The following NRP1 variants were observed in gnomAD, a reference collection of about 807,000 sequenced individuals.
NRP1 encodes neuropilin-1.
Under a neutral mutation model 106.7 loss-of-function variants are expected in NRP1, and 35 were observed. That is an observed-to-expected ratio of 0.33 (90% CI 0.25 to 0.43). NRP1 has a LOEUF of 0.43. Among genes scored for constraint, NRP1 ranks in the 20% least tolerant of loss-of-function variants. The probability of loss-of-function intolerance (pLI) is 1.00; values close to 1 mark genes in which losing one functional copy is unlikely to be tolerated. For synonymous variants in NRP1, 437 were observed against 417.9 expected, an observed-to-expected ratio of 1.05 and a Z score of -0.56; for missense variants, 1,024 against 1,170.4, an observed-to-expected ratio of 0.87 and a Z score of 1.83.
At chr10:33,286,060 C>G (rs1248620912) in intron 2 of NRP1, among the ~76,000 whole-genome samples, 1 of 152,198 alleles carries the variant, frequency 6.6e-6, no homozygotes, top group Non-Finnish European at 1.5e-5. Flanking sequence ...AATTCCTCTT[C>G]TGCATGACAG....
chr10:33,214,970 G>T (rs2132831293), intron 8 of NRP1, among the ~76,000 whole-genome samples: 1 of 152,254 alleles, frequency 6.6e-6, no homozygotes, highest in South Asian at 2.1e-4. Flanking sequence ...AATTAAAATG[G>T]TTAAAAGTGG....
At position 33,187,652 on chromosome 10, in the gene NRP1, CAT is replaced by C. The variant is rs534360945; in HGVS notation, c.2063-1166_2063-1165del. ...CTGCCACCACCTGGTCAACACAGCT[CAT>C]GTTTCACTGTTGGCTCTGCAAATAG... On this transcript the variant is annotated intron_variant, in intron 13 of 16. Coordinates refer to ENST00000374867, the MANE Select transcript of NRP1 (RefSeq NM_003873.7). Among the ~76,000 whole-genome samples, 481 of 152,312 alleles carry C rather than the reference CAT, an allele frequency of 3.2e-3. 3 individuals carry two copies. Among genetic ancestry groups the C allele is most frequent in the Admixed American group, 3.7e-3 (56 of 15,294 alleles).
At position 33,334,165 on chromosome 10, in the gene NRP1, TTC is replaced by T. The variant is rs553822598; in HGVS notation, c.73+143_73+144del. 610 of 703,534 alleles carry T rather than the reference TTC, an allele frequency of 8.7e-4. 5 individuals carry two copies. The East Asian group carries it at 0.016, about 19-fold the overall frequency. The allele number at this position is 703,534 out of a possible 1,614,324, so 43.6% of individuals were successfully genotyped here. On this transcript the variant is annotated intron_variant, in intron 1 of 16. Coordinates refer to ENST00000374867, the MANE Select transcript of NRP1 (RefSeq NM_003873.7). The stretch of plus-strand genomic sequence containing the variant: ...CTAAACCGCCTGATCTCATTTCTTC[TTC>T]TCTCCTCCCAGATAAAAGTTTCCTT...
At chr10:33,318,443 T>A (rs929900159) in intron 2 of NRP1, among the ~76,000 whole-genome samples, 1 of 152,082 alleles carries the variant, frequency 6.6e-6, no homozygotes, top group Admixed American at 6.5e-5. Context: ...AATCCCCAGC[T>A]TGCGTGAATG....
At chr10:33,259,651 C>T (rs1012957296) in intron 4 of NRP1, among the ~76,000 whole-genome samples, 6 of 152,214 alleles carry the variant, frequency 3.9e-5, no homozygotes, top group South Asian at 2.1e-4. Flanking sequence ...ATGATCATAT[C>T]GTATCAGATG....
intron 9 of NRP1, chr10:33,212,030 T>C (rs933788391): frequency 1.3e-5 from 2 of 152,240 alleles, no homozygotes; most frequent in Non-Finnish European, 2.9e-5. Context: ...CTTTCCAAGT[T>C]GCTGTTGCAT....
rs1019886408 is a variant in NRP1, at chr10:33,254,183, T to C, written c.826A>G (p.Met276Val). 3 of 1,610,170 alleles carry C rather than the reference T, an allele frequency of 1.9e-6. No individual in the cohort carries two copies. The highest frequency in any genetic ancestry group is 2.5e-6 in the Non-Finnish European group (3 of 1,179,148). Residue 276 changes from methionine (M) to valine (V), a missense_variant, in exon 6 of 17, where the codon ATG (methionine) becomes GTG (valine). Transcript: ENST00000374867. The stretch of plus-strand genomic sequence containing the variant: ...CCTGATTCCATGCCCAGAGCTTCCA[T>C]ACATTTGAAATCTGAAGGGAAAAAC... The part of the protein sequence containing the change: ...QSSVSEDFKC[M>V]EALGMESGEI...
At chr10:33,290,839 A>C (rs74521258) in intron 2 of NRP1, among the ~76,000 whole-genome samples, 1,950 of 152,288 alleles carry the variant, frequency 0.013, 50 homozygotes, top group African/African-American at 0.045. Context: ...ACATCCAAGG[A>C]GAGAGGAAGT....
At chr10:33,206,392 G>C (rs1241208943) in intron 10 of NRP1, 1 of 508,398 alleles carries the variant, frequency 2.0e-6, no homozygotes. Flanking sequence ...CTACAGATAT[G>C]GAAACAACCA....
At chr10:33,204,032 C>T (rs939687103) in intron 10 of NRP1, among the ~76,000 whole-genome samples, 4 of 152,082 alleles carry the variant, frequency 2.6e-5, no homozygotes, top group East Asian at 1.9e-4. Context: ...CTTTAAATTT[C>T]GTTCAGATAT....
rs140766096 is a variant in NRP1 at position 33,199,564 on chromosome 10, T to A, written c.1865-1855A>T. ...AGCCAAAATCTGTATTTTTGAAAGC[T>A]TTTCAGGTGAGTCTTTTAACCCACT... On this transcript the variant is annotated intron_variant, in intron 11 of 16. Transcript: ENST00000374867. Among the ~76,000 whole-genome samples the A allele has an allele frequency of 1.2e-3, 176 of 151,526 alleles. 1 individual carries two copies. Among genetic ancestry groups the A allele is most frequent in the African/African-American group, 4.0e-3 (167 of 41,308 alleles).
intron 4 of NRP1, among the ~76,000 whole-genome samples, chr10:33,258,187 G>A (rs902627658): frequency 4.6e-5 from 7 of 152,134 alleles, no homozygotes; most frequent in Non-Finnish European, 8.8e-5. Flanking sequence ...CCACTGTTTC[G>A]TGGATTGCAC....
intron 2 of NRP1, among the ~76,000 whole-genome samples, chr10:33,276,725 T>C (rs1843722806): frequency 1.3e-5 from 2 of 152,202 alleles, no homozygotes; most frequent in African/African-American, 4.8e-5. Context: ...CTATCGGTGA[T>C]TCATTTTTCC....
chr10:33,319,307 A>G (rs951079750), intron 2 of NRP1, among the ~76,000 whole-genome samples: 3 of 151,686 alleles, frequency 2.0e-5, no homozygotes, highest in African/African-American at 7.3e-5. Context: ...CGCCCAGAGG[A>G]CTTAGACACC....
At chr10:33,241,220 T>C (rs1399511284) in intron 6 of NRP1, among the ~76,000 whole-genome samples, 1 of 152,158 alleles carries the variant, frequency 6.6e-6, no homozygotes, top group African/African-American at 2.4e-5. Context: ...TTATCTGTGG[T>C]TTCTGTGCTC....
chr10:33,197,135 G>C (rs1218352694), intron 12 of NRP1, among the ~76,000 whole-genome samples: 1 of 152,092 alleles, frequency 6.6e-6, no homozygotes, highest in Non-Finnish European at 1.5e-5. Flanking sequence ...GGATGAGGAG[G>C]TGCTGTTCCC....
chr10:33,214,908 G>A (rs1329449432), intron 8 of NRP1, among the ~76,000 whole-genome samples: 1 of 152,188 alleles, frequency 6.6e-6, no homozygotes, highest in African/African-American at 2.4e-5. Flanking sequence ...GCACAGCAAT[G>A]TGACTGTACT....
chr10:33,303,938 C>T (rs938588798), intron 2 of NRP1, among the ~76,000 whole-genome samples: 26 of 152,304 alleles, frequency 1.7e-4, no homozygotes, highest in African/African-American at 4.8e-4. Context: ...CTCTGATTAA[C>T]ATCAAATAAT....
rs1179095278 is a variant in NRP1, at chr10:33,192,481, G to A, written c.1925-63C>T. On this transcript the variant is annotated intron_variant, in intron 12 of 16. Transcript: ENST00000374867. ...AGAAAGGCAAATTTGATCATTTAGGGTCACAAAGGCCCTTGGTTCACTCAT... is the reference window on the plus strand; with the variant it reads ...AGAAAGGCAAATTTGATCATTTAGGATCACAAAGGCCCTTGGTTCACTCAT... The A allele has an allele frequency of 9.0e-6, 14 of 1,563,318 alleles. No individual in the cohort carries two copies. The African/African-American group carries it at 1.8e-4, about 20-fold the overall frequency.
Sources: gnomAD v4.1 joint callset for allele counts (sites outside exome capture counted in the v4.1 genomes callset) on GRCh38, gnomAD v4.1.1 for gene constraint, MANE v1.5 for transcripts, NCBI Gene and HGNC (gene_info 2026-07-23, HGNC 2026-07-21) for gene names.